Variants in EDA observed in about 807,000 individuals in gnomAD.
The protein encoded by EDA is ectodysplasin A, also known as ectodysplasin-A.
A neutral mutation model predicts 23.6 loss-of-function variants in EDA; 2 were observed. The observed-to-expected ratio is 0.08, with a 90% CI of 0.03 to 0.27. The LOEUF is 0.27. Ranked by LOEUF, EDA falls within the 10% of genes least tolerant of loss-of-function variation. EDA has a pLI of 1.00. For missense variants in EDA, 229 were observed against 324.2 expected (o/e 0.71, Z 2.26); for synonymous variants, 131 against 132.0 (o/e 0.99, Z 0.05).
At chrX:69,874,253 G>A (rs1235442225) in intron 1 of EDA, among the ~76,000 whole-genome samples, 1 of 110,558 alleles carries the variant, frequency 9.0e-6, no homozygotes, top group Non-Finnish European at 1.9e-5. Flanking sequence ...CAGAGGTTGT[G>A]GTGACCTGAG....
chrX:69,807,452 C>T (rs1602428211), intron 1 of EDA, among the ~76,000 whole-genome samples: 1 of 96,293 alleles, frequency 1.0e-5, no homozygotes. Context: ...GAGGAGGGCA[C>T]ACTAGATACC....
intron 2 of EDA, among the ~76,000 whole-genome samples, chrX:69,987,589 A>G (rs2019520735): frequency 9.6e-6 from 1 of 103,689 alleles, no homozygotes; most frequent in Non-Finnish European, 2.0e-5. Context: ...AGACAAAAAA[A>G]CACTCTAAGA....
At chrX:69,722,130 G>C (rs2012606231) in intron 1 of EDA, among the ~76,000 whole-genome samples, 1 of 111,482 alleles carries the variant, frequency 9.0e-6, no homozygotes, top group Non-Finnish European at 1.9e-5. Flanking sequence ...CTTTTCTTCT[G>C]TCTCTCTGTT....
chrX:69,663,940 T>C, intron 1 of EDA, among the ~76,000 whole-genome samples: 1 of 112,297 alleles, frequency 8.9e-6, no homozygotes, highest in Non-Finnish European at 1.9e-5. Flanking sequence ...GTTTTGGCCA[T>C]TTCTTCTATT....
intron 1 of EDA, among the ~76,000 whole-genome samples, chrX:69,750,476 T>G (rs1389931291): frequency 9.1e-6 from 1 of 110,475 alleles, no homozygotes; most frequent in African/African-American, 3.3e-5. Context: ...AGTGCCGCAG[T>G]AAACATACGT....
At chrX:69,676,581 T>C (rs1943141263) in intron 1 of EDA, among the ~76,000 whole-genome samples, 1 of 110,581 alleles carries the variant, frequency 9.0e-6, no homozygotes, top group Non-Finnish European at 1.9e-5. Context: ...TTTTATTCTG[T>C]TCTATACCAT....
At chrX:69,695,690 T>C (rs7052255) in intron 1 of EDA, among the ~76,000 whole-genome samples, 35,409 of 106,301 alleles carry the variant, frequency 0.33, 5,213 homozygotes, top group Middle Eastern at 0.57. Flanking sequence ...TTAGTAGAGA[T>C]GGGGTTTTAC....
intron 1 of EDA, among the ~76,000 whole-genome samples, chrX:69,676,197 T>C (rs1272284892): frequency 9.0e-6 from 1 of 111,304 alleles, no homozygotes; most frequent in African/African-American, 3.3e-5. Flanking sequence ...TGGAGGGGCT[T>C]GAGCAAAGGG....
At chrX:69,809,793 G>T (rs1223543342) in intron 1 of EDA, among the ~76,000 whole-genome samples, 2 of 111,148 alleles carry the variant, frequency 1.8e-5, no homozygotes, top group Non-Finnish European at 3.8e-5. Flanking sequence ...GGTGCATCTT[G>T]GTAGATGTTA....
chrX:69,910,370 AGAGAGTGT>A lies in EDA; in HGVS notation c.397-46655_397-46648del, dbSNP rs1361537589. Among the ~76,000 whole-genome samples, 155 of 46,105 alleles carry A rather than the reference AGAGAGTGT, an allele frequency of 3.4e-3. 1 individual carries two copies. The highest frequency in any genetic ancestry group is 8.5e-3 in the African/African-American group (128 of 15,061). The allele number at this position is 46,105 out of a possible 115,157, so 40.0% of individuals were successfully genotyped here. A position where few individuals can be genotyped will look rare whatever the true frequency, so the allele number is the denominator to read the frequency against. ...GTAAAGGAGAGAGAGAGAGAGAGAG[AGAGAGTGT>A]GTGTGTGTGTGTGTGTGTGTGTGTG... On this transcript the variant is annotated intron_variant, in intron 1 of 7. Coordinates refer to ENST00000374552, the MANE Select transcript of EDA (RefSeq NM_001399.5).
chrX:69,795,041 A>G (rs191098991), intron 1 of EDA, among the ~76,000 whole-genome samples: 2 of 111,759 alleles, frequency 1.8e-5, no homozygotes, highest in East Asian at 5.6e-4. Flanking sequence ...AATTCTTTGT[A>G]GAGTTGGGGT....
At chrX:69,775,954 T>A (rs1239602780) in intron 1 of EDA, among the ~76,000 whole-genome samples, 1 of 111,813 alleles carries the variant, frequency 8.9e-6, no homozygotes, top group Non-Finnish European at 1.9e-5. Context: ...AGTAGGAAAC[T>A]TTTATTTTGA....
At chrX:69,915,187 T>C (rs1175356904) in intron 1 of EDA, among the ~76,000 whole-genome samples, 1 of 112,240 alleles carries the variant, frequency 8.9e-6, no homozygotes, top group Non-Finnish European at 1.9e-5. Context: ...CTTTTTGTAA[T>C]GTTTCCCATT....
intron 1 of EDA, among the ~76,000 whole-genome samples, chrX:69,769,441 T>C (rs2014563065): frequency 9.0e-6 from 1 of 111,668 alleles, no homozygotes; most frequent in Admixed American, 9.6e-5. Flanking sequence ...AGTATGTTGT[T>C]GGATCTTGCT....
chrX:69,903,692 CT>C (rs1306832716), intron 1 of EDA, among the ~76,000 whole-genome samples: 1 of 108,679 alleles, frequency 9.2e-6, no homozygotes. Flanking sequence ...CCAGAAAAGA[CT>C]TTTTTTTAAA....
At chrX:69,698,631 T>C (rs1488813904) in intron 1 of EDA, among the ~76,000 whole-genome samples, 1 of 111,450 alleles carries the variant, frequency 9.0e-6, no homozygotes, top group Non-Finnish European at 1.9e-5. Context: ...CTTTTGGTGT[T>C]GCGCAGAGTC....
At chrX:69,791,729 C>T (rs770064742) in intron 1 of EDA, among the ~76,000 whole-genome samples, 12 of 110,714 alleles carry the variant, frequency 1.1e-4, no homozygotes, top group Non-Finnish European at 1.9e-4. Flanking sequence ...CTGCAACCTC[C>T]GCCTCCTGGG....
At chrX:69,814,337 G>A (rs953340543) in intron 1 of EDA, among the ~76,000 whole-genome samples, 4 of 112,686 alleles carry the variant, frequency 3.5e-5, no homozygotes, top group African/African-American at 9.6e-5. Context: ...AAAAAGCCAT[G>A]GAAGAAATAA....
intron 1 of EDA, among the ~76,000 whole-genome samples, chrX:69,774,242 A>G: frequency 8.9e-6 from 1 of 111,940 alleles, no homozygotes; most frequent in Non-Finnish European, 1.9e-5. Context: ...GCATCCACTG[A>G]TTAGTGCTCT....
Sources: gnomAD v4.1 joint callset for allele counts (sites outside exome capture counted in the v4.1 genomes callset) on GRCh38, gnomAD v4.1.1 for gene constraint, MANE v1.5 for transcripts, NCBI Gene and HGNC (gene_info 2026-07-23, HGNC 2026-07-21) for gene names.